PHKB: variants seen among roughly 807,000 people sequenced by gnomAD.
PHKB encodes phosphorylase b kinase regulatory subunit beta.
A neutral mutation model predicts 152.1 loss-of-function variants in PHKB; 122 were observed. The observed-to-expected ratio is 0.80, with a 90% CI of 0.69 to 0.93. The LOEUF (loss-of-function observed/expected upper bound fraction) is 0.93, where lower values mean the gene tolerates loss of function less well. Among genes scored for constraint, PHKB ranks in the 40% least tolerant of loss-of-function variants. The pLI, the probability that PHKB is intolerant of heterozygous loss-of-function variation, is 0.00. For missense variants in PHKB, 1,304 were observed against 1,328.4 expected (o/e 0.98, Z 0.29); for synonymous variants, 436 against 464.9 (o/e 0.94, Z 0.80).
At position 47,674,293 on chromosome 16, in the gene PHKB, A is replaced by AG. The variant is rs1597169041; in HGVS notation, c.2630+4876_2630+4877insG. ...GAGATTTTGCACCTTTATTCATCAC[A>AG]AGGCAGAGAAAATGGGATGATTCTA... On this transcript the variant is annotated intron_variant, in intron 26 of 30. Coordinates refer to ENST00000323584, the MANE Select transcript of PHKB (RefSeq NM_000293.3). Among the ~76,000 whole-genome samples the AG allele has an allele frequency of 2.0e-5, 3 of 152,160 alleles. No individual in the cohort carries two copies. The South Asian group carries it at 6.2e-4, about 31-fold the overall frequency.
chr16:47,553,804 A>T (rs1049398919), intron 7 of PHKB, among the ~76,000 whole-genome samples: 1 of 152,200 alleles, frequency 6.6e-6, no homozygotes, highest in African/African-American at 2.4e-5. Flanking sequence ...CCTCTGCCAC[A>T]GGTCTGCTGG....
intron 7 of PHKB, 67 bp from the exon 8 acceptor site, chr16:47,580,227 TC>T: frequency 8.7e-7 from 1 of 1,154,150 alleles, no homozygotes; most frequent in Non-Finnish European, 1.3e-6. Flanking sequence ...TGAATATTCA[TC>T]AGATAATGGT....
At position 47,664,978 on chromosome 16, in the gene PHKB, A is replaced by G. The variant is rs372410940; in HGVS notation, c.2427+3A>G. On this transcript the variant is annotated splice_donor_region_variant and intron_variant, in intron 25 of 30. Coordinates refer to ENST00000323584, the MANE Select transcript of PHKB (RefSeq NM_000293.3). ...CTTTTCTGGTACATGGGAAACAGGTAACATGCACAGAATTTGAAAACCCAA... is the reference window on the plus strand; with the variant it reads ...CTTTTCTGGTACATGGGAAACAGGTGACATGCACAGAATTTGAAAACCCAA... The G allele has an allele frequency of 6.3e-6, 10 of 1,593,706 alleles. No individual in the cohort carries two copies. Among genetic ancestry groups the G allele is most frequent in the African/African-American group, 1.3e-5 (1 of 74,510 alleles).
chr16:47,548,668 C>G (rs1371164464), intron 7 of PHKB, among the ~76,000 whole-genome samples: 1 of 151,588 alleles, frequency 6.6e-6, no homozygotes, highest in Non-Finnish European at 1.5e-5. Context: ...AAAGTGTTCT[C>G]TATTTTATGA....
chr16:47,525,928 T>A (rs1056614507), intron 6 of PHKB, among the ~76,000 whole-genome samples: 1 of 152,130 alleles, frequency 6.6e-6, no homozygotes, highest in Non-Finnish European at 1.5e-5. Flanking sequence ...ATTAGCTAAT[T>A]TGAGTACTTT....
chr16:47,632,806 A>T (rs1161139319), intron 14 of PHKB, among the ~76,000 whole-genome samples: 1 of 152,232 alleles, frequency 6.6e-6, no homozygotes, highest in African/African-American at 2.4e-5. Context: ...TGTTTTATTT[A>T]TAGCCCCCAG....
intron 26 of PHKB, among the ~76,000 whole-genome samples, chr16:47,682,574 A>C (rs187965569): frequency 3.9e-5 from 6 of 152,228 alleles, no homozygotes; most frequent in Middle Eastern, 6.8e-3. Context: ...AGGCTTCTGC[A>C]TTCTTCACAT....
At chr16:47,603,448 TA>T (rs1451956322) in intron 13 of PHKB, among the ~76,000 whole-genome samples, 1 of 151,684 alleles carries the variant, frequency 6.6e-6, no homozygotes, top group East Asian at 1.9e-4. Context: ...AGTATTACTT[TA>T]AAGGCTTCAC....
At chr16:47,520,024 G>A (rs765898645) in intron 6 of PHKB, among the ~76,000 whole-genome samples, 10 of 151,590 alleles carry the variant, frequency 6.6e-5, no homozygotes, top group Non-Finnish European at 1.5e-4. Context: ...TGGAAGCTTT[G>A]TGTCCTAGAT....
At position 47,463,130 on chromosome 16, in the gene PHKB, G is replaced by A. The variant is rs1006806084; in HGVS notation, c.76+1704G>A. 35 of 152,554 alleles carry A rather than the reference G, an allele frequency of 2.3e-4. 1 individual carries two copies. Among genetic ancestry groups the A allele is most frequent in the Non-Finnish European group, 4.6e-4 (31 of 68,006 alleles). The allele number at this position is 152,554 out of a possible 1,614,324, so 9.5% of individuals were successfully genotyped here. A position where few individuals can be genotyped will look rare whatever the true frequency, so the allele number is the denominator to read the frequency against. On this transcript the variant is annotated intron_variant, in intron 1 of 30. Transcript: ENST00000323584. ...AGTACTGCCCCCAACATATATTTTT[G>A]CAACATTTCTCTTTAACTTTCATAA...
chr16:47,694,180 G>A (rs554694515), intron 28 of PHKB, among the ~76,000 whole-genome samples: 6 of 152,314 alleles, frequency 3.9e-5, no homozygotes, highest in African/African-American at 1.4e-4. Context: ...AAGTGAGTTA[G>A]TGCCCTCTCC....
At chr16:47,571,490 A>G (rs1417768598) in intron 7 of PHKB, among the ~76,000 whole-genome samples, 2 of 151,982 alleles carry the variant, frequency 1.3e-5, no homozygotes, top group Admixed American at 1.3e-4. Context: ...CCTCATCCCT[A>G]TATTCTGGAC....
intron 6 of PHKB, among the ~76,000 whole-genome samples, chr16:47,521,678 G>A (rs889398847): frequency 5.3e-5 from 8 of 151,452 alleles, no homozygotes; most frequent in Non-Finnish European, 8.8e-5. Flanking sequence ...GGAAAGAAAA[G>A]AAAAATGTTA....
At position 47,701,236 on chromosome 16, in the gene PHKB, A is replaced by G. The variant is rs1974243061; in HGVS notation, c.*1870A>G. ...ATTTTTGTTTGCCGAAATTTTTACG[A>G]AAGTAAACTGTGTTGTAGTTTTAAG... On this transcript the variant is annotated 3_prime_UTR_variant, in exon 31 of 31. Coordinates refer to ENST00000323584, the MANE Select transcript of PHKB (RefSeq NM_000293.3). 1.3e-5 allele frequency: 2 copies of G among 152,364 alleles called. No individual in the cohort carries two copies. The highest frequency in any genetic ancestry group is 3.9e-4 in the East Asian group (2 of 5,188). 9.4% of individuals were successfully genotyped at this position (152,364 alleles called of 1,614,324 possible). A position where few individuals can be genotyped will look rare whatever the true frequency, so the allele number is the denominator to read the frequency against.
intron 1 of PHKB, chr16:47,463,407 A>G (rs1969611089): frequency 6.3e-6 from 1 of 158,088 alleles, no homozygotes; most frequent in Admixed American, 6.1e-5. Context: ...ATTAATAGTT[A>G]AATTTGAGGT....
intron 26 of PHKB, among the ~76,000 whole-genome samples, chr16:47,677,531 C>T (rs1973755220): frequency 1.3e-5 from 2 of 152,132 alleles, no homozygotes; most frequent in Admixed American, 1.3e-4. Context: ...AGATGGCTGC[C>T]TTCTGTGTCC....
At position 47,476,820 on chromosome 16, in the gene PHKB, T is replaced by C. The variant is rs139143475; in HGVS notation, c.76+15394T>C. Among the ~76,000 whole-genome samples, 811 of 152,314 alleles carry C rather than the reference T, an allele frequency of 5.3e-3. 7 individuals are homozygous for C. The highest frequency in any genetic ancestry group is 0.037 in the Middle Eastern group (11 of 294). On this transcript the variant is annotated intron_variant, in intron 1 of 30. Coordinates refer to ENST00000323584, the MANE Select transcript of PHKB (RefSeq NM_000293.3). Reference sequence around the variant, plus strand: ...AGCAGTCATTTGCTCTGCCAACAGATATATCTTCTAGAGTTTGGATCATAT... The same window carrying C: ...AGCAGTCATTTGCTCTGCCAACAGACATATCTTCTAGAGTTTGGATCATAT...
At chr16:47,611,190 A>G (rs766889324) in intron 14 of PHKB, among the ~76,000 whole-genome samples, 1 of 152,198 alleles carries the variant, frequency 6.6e-6, no homozygotes, top group Non-Finnish European at 1.5e-5. Context: ...GAGAAGAAGC[A>G]GTGCATCTGG....
intron 1 of PHKB, among the ~76,000 whole-genome samples, chr16:47,489,555 T>C (rs1326864281): frequency 1.3e-5 from 2 of 152,230 alleles, no homozygotes; most frequent in African/African-American, 4.8e-5. Flanking sequence ...TAAGACCTTT[T>C]AAAGCTGAGC....
Sources: gnomAD v4.1 joint callset for allele counts (sites outside exome capture counted in the v4.1 genomes callset) on GRCh38, gnomAD v4.1.1 for gene constraint, MANE v1.5 for transcripts, NCBI Gene and HGNC (gene_info 2026-07-23, HGNC 2026-07-21) for gene names.